The following CFAP221 variants were observed in gnomAD, a reference collection of about 807,000 sequenced individuals.
The protein encoded by CFAP221 is cilia- and flagella-associated protein 221.
CFAP221 carries 97 observed loss-of-function variants against 113.1 expected under a neutral mutation model. The observed-to-expected ratio is 0.86, with a 90% CI of 0.73 to 1.02. The LOEUF (loss-of-function observed/expected upper bound fraction) is 1.02. Among genes scored for constraint, CFAP221 ranks in the 50% least tolerant of loss-of-function variants. The pLI, the probability that CFAP221 is intolerant of heterozygous loss-of-function variation, is 0.00. For missense variants in CFAP221, 1,025 were observed against 1,013.4 expected (o/e 1.01, Z -0.16); for synonymous variants, 331 against 354.4 (o/e 0.93, Z 0.74).
rs186297473 is a variant in CFAP221 at position 119,621,206 on chromosome 2, C to A, written c.1411-4377C>A. On this transcript the variant is annotated intron_variant, in intron 14 of 23. Transcript: ENST00000413369. ...TGCCATCGCACTCCAGCCTGGGCAACAAGAGTGAAACTGTGTCAAAAAAAA... is the reference window on the plus strand; with the variant it reads ...TGCCATCGCACTCCAGCCTGGGCAAAAAGAGTGAAACTGTGTCAAAAAAAA... 9.7e-3 allele frequency among the ~76,000 whole-genome samples: 1,373 copies of A among 141,310 alleles called. 11 individuals carry two copies. Among genetic ancestry groups the A allele is most frequent in the Middle Eastern group, 0.019 (5 of 266 alleles). 92.7% of individuals were successfully genotyped at this position (141,310 alleles called of 152,430 possible). A position where few individuals can be genotyped will look rare whatever the true frequency, so the allele number is the denominator to read the frequency against.
rs372487264 is a variant in CFAP221, at chr2:119,627,695, A to T, written c.1559A>T (p.Asp520Val). 11 of 1,613,488 alleles carry T rather than the reference A, an allele frequency of 6.8e-6. No homozygotes were observed. Among genetic ancestry groups the T allele is most frequent in the Non-Finnish European group, 9.3e-6 (11 of 1,179,880 alleles). The change falls in exon 16 of 24, where the codon GAT becomes GTT. Residue 520 changes from aspartate to valine, a missense_variant. Transcript: ENST00000413369. ...FKFFLRRISQDDYTSRFSVSP... is the reference protein window; with the variant it reads ...FKFFLRRISQVDYTSRFSVSP... ...TTCTTCCTGAGGCGGATCAGTCAGG[A>T]TGATTATACCAGCCGGTTCTCTGTG... is the stretch of plus-strand genomic sequence containing the variant.
chr2:119,617,502 C>A (rs1412929360), intron 14 of CFAP221, among the ~76,000 whole-genome samples: 1 of 152,228 alleles, frequency 6.6e-6, no homozygotes, highest in Non-Finnish European at 1.5e-5. Flanking sequence ...AATGGGACCA[C>A]CTTGGTCCTT....
intron 6 of CFAP221, among the ~76,000 whole-genome samples, chr2:119,581,355 C>T (rs1257270445): frequency 6.6e-6 from 1 of 151,996 alleles, no homozygotes; most frequent in Non-Finnish European, 1.5e-5. Flanking sequence ...AATAGATGGA[C>T]ATTGTTTTAA....
rs138118535 is a variant in CFAP221 at position 119,633,238 on chromosome 2, T to G, written c.1974+2337T>G. On this transcript the variant is annotated intron_variant, in intron 19 of 23. Coordinates refer to ENST00000413369, the MANE Select transcript of CFAP221 (RefSeq NM_001271049.2). ...ATACAACATGGATCATAGACCTAAATAGAAAACCTGAAACTATAAAACTAC... is the reference window on the plus strand; with the variant it reads ...ATACAACATGGATCATAGACCTAAAGAGAAAACCTGAAACTATAAAACTAC... Among the ~76,000 whole-genome samples, 13 of 151,898 alleles carry G rather than the reference T, an allele frequency of 8.6e-5. No individual in the cohort carries two copies. The East Asian group carries it at 1.7e-3, about 20-fold the overall frequency.
At chr2:119,630,405 T>C (rs1168104065) in intron 17 of CFAP221, among the ~76,000 whole-genome samples, 165 bp from the exon 18 acceptor site, 1 of 152,184 alleles carries the variant, frequency 6.6e-6, no homozygotes, top group African/African-American at 2.4e-5. Context: ...TTCACTAAAG[T>C]CTGTGCAGTC....
intron 7 of CFAP221, among the ~76,000 whole-genome samples, chr2:119,595,648 A>G (rs1473877432): frequency 2.0e-5 from 3 of 152,154 alleles, no homozygotes; most frequent in Non-Finnish European, 4.4e-5. Context: ...GGTACTGCAG[A>G]GAGCAAGACA....
At chr2:119,574,181 A>C (rs1682266273) in intron 6 of CFAP221, among the ~76,000 whole-genome samples, 1 of 152,210 alleles carries the variant, frequency 6.6e-6, no homozygotes, top group Admixed American at 6.5e-5. Context: ...ATTGGTTTGC[A>C]TGAGGCCAAG....
chr2:119,610,862 A>G (rs1485131687), intron 12 of CFAP221, among the ~76,000 whole-genome samples: 2 of 152,206 alleles, frequency 1.3e-5, no homozygotes, highest in African/African-American at 4.8e-5. Flanking sequence ...AACTAACACC[A>G]TCTGCGGAGT....
At chr2:119,590,100 T>G (rs888566485) in intron 7 of CFAP221, 1 of 152,212 alleles carries the variant, frequency 6.6e-6, no homozygotes, top group African/African-American at 2.4e-5. Context: ...TAGGGAAGAA[T>G]GCATCTAACT....
chr2:119,639,941 A>G, intron 21 of CFAP221, 69 bp downstream of exon 21: 1 of 1,326,886 alleles, frequency 7.5e-7, no homozygotes, highest in Non-Finnish European at 1.1e-6. Flanking sequence ...ATGATCCCCA[A>G]AAGTTAAATG....
intron 7 of CFAP221, among the ~76,000 whole-genome samples, chr2:119,591,946 GTTCAGCAAATAAAAATAT>G (rs1683627840): frequency 6.6e-6 from 1 of 152,016 alleles, no homozygotes; most frequent in African/African-American, 2.4e-5. Context: ...AAGAAATGAG[GTTCAGCAAATAAAAATAT>G]TTCTTTAAAA....
At chr2:119,557,881 C>A (rs1302083214) in intron 3 of CFAP221, among the ~76,000 whole-genome samples, 2 of 150,778 alleles carry the variant, frequency 1.3e-5, no homozygotes, top group Admixed American at 1.3e-4. Flanking sequence ...ATCACTTGAA[C>A]CTGGGAGGCA....
chr2:119,582,550 G>C (rs538792464), intron 6 of CFAP221, among the ~76,000 whole-genome samples: 99 of 151,322 alleles, frequency 6.5e-4, no homozygotes, highest in Non-Finnish European at 1.2e-3. Context: ...CCGCGTTCCA[G>C]GCTTCAGCCA....
intron 16 of CFAP221, among the ~76,000 whole-genome samples, chr2:119,629,278 A>G (rs1168549143): frequency 6.6e-6 from 1 of 152,172 alleles, no homozygotes; most frequent in African/African-American, 2.4e-5. Context: ...CAGGAAGTGT[A>G]TTAGGCAGTT....
chr2:119,559,659 T>A, intron 3 of CFAP221, 30 bp from the exon 4 acceptor site: 1 of 1,470,890 alleles, frequency 6.8e-7, no homozygotes, highest in South Asian at 1.2e-5. Flanking sequence ...AGCCGTGTAT[T>A]TCCTCTAAAT....
chr2:119,578,135 A>C (rs1334554201), intron 6 of CFAP221, among the ~76,000 whole-genome samples: 1 of 152,218 alleles, frequency 6.6e-6, no homozygotes, highest in Non-Finnish European at 1.5e-5. Context: ...CTTCCTTACA[A>C]CATGGTGACA....
intron 2 of CFAP221, among the ~76,000 whole-genome samples, chr2:119,548,311 T>C (rs1192742174): frequency 6.6e-6 from 1 of 152,162 alleles, no homozygotes; most frequent in Non-Finnish European, 1.5e-5. Context: ...CCTTGCTAAG[T>C]CTTACCTCCT....
At chr2:119,579,917 G>C (rs960093678) in intron 6 of CFAP221, among the ~76,000 whole-genome samples, 1 of 152,170 alleles carries the variant, frequency 6.6e-6, no homozygotes, top group Non-Finnish European at 1.5e-5. Context: ...CTGGGTTACT[G>C]ACCTAGGGCA....
chr2:119,641,510 T>A (rs1687488299), intron 21 of CFAP221, among the ~76,000 whole-genome samples: 1 of 152,196 alleles, frequency 6.6e-6, no homozygotes, highest in Non-Finnish European at 1.5e-5. Flanking sequence ...CATTGTACAC[T>A]GGATGTATCA....
Sources: gnomAD v4.1 joint callset for allele counts (sites outside exome capture counted in the v4.1 genomes callset) on GRCh38, gnomAD v4.1.1 for gene constraint, MANE v1.5 for transcripts, NCBI Gene and HGNC (gene_info 2026-07-23, HGNC 2026-07-21) for gene names.